Variants in C1orf105 observed in about 807,000 individuals in gnomAD.
C1orf105 encodes the protein chromosome 1 open reading frame 105.
In C1orf105, 17 loss-of-function variants were observed where a neutral mutation model predicts 20.8. The observed-to-expected ratio is 0.82, with a 90% CI of 0.56 to 1.23. The LOEUF (loss-of-function observed/expected upper bound fraction) is 1.23, where lower values mean the gene tolerates loss of function less well. C1orf105 is among the 50% of genes most tolerant of loss of function. The pLI is 0.00. For missense variants in C1orf105, 219 were observed against 213.5 expected (o/e 1.03, Z -0.16); for synonymous variants, 72 against 72.1 (o/e 1.00, Z 0.01).
intron 4 of C1orf105, among the ~76,000 whole-genome samples, chr1:172,460,678 A>G (rs761180126): frequency 8.5e-5 from 13 of 152,358 alleles, no homozygotes; most frequent in African/African-American, 3.1e-4. Context: ...AAAGAAATAC[A>G]TAAGACCTGT....
intron 3 of C1orf105, among the ~76,000 whole-genome samples, chr1:172,451,867 C>CTTTTTTTTTTTTT (rs11462736): frequency 1.2e-5 from 1 of 85,196 alleles, no homozygotes. Context: ...TATATGGATT[C>CTTTTTTTTTTTTT]TTTTTTTTTT....
chr1:172,431,049 T>C, intron 1 of C1orf105: 4 of 652,998 alleles, frequency 6.1e-6, no homozygotes, highest in South Asian at 3.6e-5. Flanking sequence ...CTTCCTCTTC[T>C]TGGGCCTCCC....
chr1:172,445,350 G>C (rs1647871465), intron 2 of C1orf105, among the ~76,000 whole-genome samples, 192 bp downstream of exon 2: 1 of 152,134 alleles, frequency 6.6e-6, no homozygotes, highest in Non-Finnish European at 1.5e-5. Context: ...CTGGCTAGAG[G>C]AGATGAGATC....
At chr1:172,432,319 C>G (rs1229620399) in intron 1 of C1orf105, among the ~76,000 whole-genome samples, 1 of 152,228 alleles carries the variant, frequency 6.6e-6, no homozygotes, top group African/African-American at 2.4e-5. Flanking sequence ...GGTAGCCTAA[C>G]TGGGAGACAC....
intron 1 of C1orf105, among the ~76,000 whole-genome samples, chr1:172,439,715 C>T (rs2072157761): frequency 6.6e-6 from 1 of 151,910 alleles, no homozygotes; most frequent in Non-Finnish European, 1.5e-5. Context: ...TACCTGAGTT[C>T]CCTAAAATTA....
At chr1:172,451,949 T>C (rs1231791652) in intron 3 of C1orf105, among the ~76,000 whole-genome samples, 1 of 138,324 alleles carries the variant, frequency 7.2e-6, no homozygotes, top group Non-Finnish European at 1.5e-5. Context: ...CTTGGCTCAC[T>C]GCAACCTCCG....
intron 1 of C1orf105, among the ~76,000 whole-genome samples, chr1:172,436,123 C>A (rs911420179): frequency 6.6e-6 from 1 of 152,176 alleles, no homozygotes; most frequent in African/African-American, 2.4e-5. Flanking sequence ...ATTCCATGTT[C>A]ATGGATAGGA....
At chr1:172,458,829 C>G (rs930806221) in intron 4 of C1orf105, among the ~76,000 whole-genome samples, 12 of 152,068 alleles carry the variant, frequency 7.9e-5, no homozygotes, top group Non-Finnish European at 1.5e-5. Flanking sequence ...CTGTGTGGTA[C>G]TGCCATAAAG....
chr1:172,456,929 G>A (rs1230916366), intron 4 of C1orf105, among the ~76,000 whole-genome samples: 2 of 152,184 alleles, frequency 1.3e-5, no homozygotes, highest in Non-Finnish European at 2.9e-5. Context: ...GAGAAAGACT[G>A]GGGAGAGAGT....
At chr1:172,444,014 G>A (rs78565583) in intron 1 of C1orf105, 2 of 1,000,054 alleles carry the variant, frequency 2.0e-6, no homozygotes, top group Non-Finnish European at 2.4e-6. Context: ...TTGCGCAGCT[G>A]GGGGACGGCG....
At chr1:172,443,913 C>A (rs1647645021) in intron 1 of C1orf105, 1 of 976,230 alleles carries the variant, frequency 1.0e-6, no homozygotes, top group Non-Finnish European at 1.2e-6. Flanking sequence ...GCCCCTCACT[C>A]AGCCTTGGGT....
intron 1 of C1orf105, among the ~76,000 whole-genome samples, chr1:172,437,497 ACAC>A (rs946394426): frequency 8.1e-5 from 12 of 147,554 alleles, no homozygotes; most frequent in African/African-American, 3.0e-4. Context: ...AGAAAACCGA[ACAC>A]CACATGTTCT....
intron 1 of C1orf105, among the ~76,000 whole-genome samples, chr1:172,428,240 C>T (rs985344001): frequency 6.6e-6 from 1 of 152,294 alleles, no homozygotes; most frequent in East Asian, 1.9e-4. Flanking sequence ...TTTTGAGCCA[C>T]CATTATCCCT....
intron 3 of C1orf105, among the ~76,000 whole-genome samples, chr1:172,450,524 A>G (rs1648504080): frequency 6.6e-6 from 1 of 152,198 alleles, no homozygotes; most frequent in Admixed American, 6.5e-5. Flanking sequence ...AAGGGAGTAG[A>G]ATGTACTGTG....
intron 1 of C1orf105, among the ~76,000 whole-genome samples, chr1:172,433,732 G>A (rs926590530): frequency 6.6e-6 from 1 of 152,166 alleles, no homozygotes; most frequent in Non-Finnish European, 1.5e-5. Context: ...CACAATTGCA[G>A]GATCAAATTA....
At chr1:172,433,217 G>A (rs1161483764) in intron 1 of C1orf105, among the ~76,000 whole-genome samples, 1 of 151,918 alleles carries the variant, frequency 6.6e-6, no homozygotes, top group African/African-American at 2.4e-5. Context: ...AGCCTAGCAA[G>A]GCAGGCCAAC....
chr1:172,427,899 T>C (rs2071764917), intron 1 of C1orf105, among the ~76,000 whole-genome samples: 2 of 152,186 alleles, frequency 1.3e-5, no homozygotes. Context: ...CGAATTTATA[T>C]CTGAATTTCA....
At chr1:172,467,818 C>T (rs917935887) in intron 6 of C1orf105, among the ~76,000 whole-genome samples, 2 of 152,118 alleles carry the variant, frequency 1.3e-5, no homozygotes, top group Non-Finnish European at 2.9e-5. Flanking sequence ...CACTGGTTTA[C>T]CCCCATTCAA....
chr1:172,467,183 G>A (rs1031972730), intron 6 of C1orf105, among the ~76,000 whole-genome samples: 2 of 152,110 alleles, frequency 1.3e-5, no homozygotes, highest in Non-Finnish European at 2.9e-5. Flanking sequence ...TCCATACTGT[G>A]GTACTTGCTG....
Sources: gnomAD v4.1 joint callset for allele counts (sites outside exome capture counted in the v4.1 genomes callset) on GRCh38, gnomAD v4.1.1 for gene constraint, MANE v1.5 for transcripts, NCBI Gene and HGNC (gene_info 2026-07-23, HGNC 2026-07-21) for gene names.